The following SCN2A variants were observed in gnomAD, a reference collection of about 807,000 sequenced individuals.
SCN2A encodes the protein sodium channel protein type 2 subunit alpha.
SCN2A carries 20 observed loss-of-function variants against 188.7 expected under a neutral mutation model. The ratio of observed to expected loss-of-function variants is 0.11; its 90% CI spans 0.07 to 0.15. The LOEUF (loss-of-function observed/expected upper bound fraction) is 0.15. Among genes scored for constraint, SCN2A ranks in the 10% least tolerant of loss-of-function variants. The pLI, the probability that SCN2A is intolerant of heterozygous loss-of-function variation, is 1.00. For missense variants in SCN2A, 1,278 were observed against 2,445.0 expected, an observed-to-expected ratio of 0.52 and a Z score of 10.07; for synonymous variants, 804 against 833.1, an observed-to-expected ratio of 0.97 and a Z score of 0.60.
chr2:165,369,722 A>G (rs777040789), intron 19 of SCN2A, among the ~76,000 whole-genome samples: 2 of 152,044 alleles, frequency 1.3e-5, no homozygotes, highest in African/African-American at 2.4e-5. Flanking sequence ...AGCAATGACA[A>G]TCCTTTCCTT....
intron 1 of SCN2A, among the ~76,000 whole-genome samples, chr2:165,254,774 A>G (rs1404873713): frequency 6.6e-6 from 1 of 151,812 alleles, no homozygotes; most frequent in Non-Finnish European, 1.5e-5. Flanking sequence ...AAGAAAAATG[A>G]ATTCATGTCT....
Position 165,297,023 on chromosome 2 carries a change from A to G in SCN2A, c.274A>G (p.Ile92Val). The change falls in exon 3 of 27, where the codon ATA (isoleucine) becomes GTA (valine). Residue 92 changes from isoleucine to valine, a missense_variant. Ile to Val is a conservative substitution (Grantham distance 29). Coordinates refer to ENST00000375437, the MANE Select transcript of SCN2A (RefSeq NM_001040142.2). ...DPYYINKKTFIVLNKGKAISR... is the reference protein window; with the variant it reads ...DPYYINKKTFVVLNKGKAISR... ...GTTGTGTTTTCTTTTTCAGACGTTTATAGTATTGAATAAAGGGAAAGCAAT... is the reference window on the plus strand; with the variant it reads ...GTTGTGTTTTCTTTTTCAGACGTTTGTAGTATTGAATAAAGGGAAAGCAAT... 6.4e-7 allele frequency: 1 copy of G among 1,574,244 alleles called. No individual in the cohort carries two copies. The highest frequency in any genetic ancestry group is 8.7e-7 in the Non-Finnish European group (1 of 1,145,122).
intron 16 of SCN2A, among the ~76,000 whole-genome samples, chr2:165,347,694 A>C (rs1274098605): frequency 6.6e-6 from 1 of 152,220 alleles, no homozygotes; most frequent in African/African-American, 2.4e-5. Context: ...AAAGTGATAT[A>C]ACATGTACTC....
At chr2:165,258,551 A>G (rs1450413465) in intron 1 of SCN2A, among the ~76,000 whole-genome samples, 1 of 152,238 alleles carries the variant, frequency 6.6e-6, no homozygotes, top group Non-Finnish European at 1.5e-5. Context: ...TTAAAGAAGA[A>G]TAACCATTCA....
At chr2:165,326,727 T>C in intron 12 of SCN2A, 125 bp from the exon 13 acceptor site, 1 of 1,095,288 alleles carries the variant, frequency 9.1e-7, no homozygotes, top group South Asian at 1.3e-5. Flanking sequence ...AACAATATCT[T>C]AGTGAGCTTT....
rs754323931 is a variant in SCN2A at position 165,365,149 on chromosome 2, A to T, written c.3406A>T (p.Asn1136Tyr). 6.2e-7 allele frequency: 1 copy of T among 1,613,294 alleles called. No individual in the cohort carries two copies. Among genetic ancestry groups the T allele is most frequent in the Non-Finnish European group, 8.5e-7 (1 of 1,179,452 alleles). Residue 1136 changes from asparagine (N) to tyrosine (Y), a missense_variant, in exon 18 of 27, where the codon AAT becomes TAT. Asn to Tyr is a moderately radical substitution (Grantham distance 143). Coordinates refer to ENST00000375437, the MANE Select transcript of SCN2A (RefSeq NM_001040142.2). ...TTGTGGGATTGATTTTCAGAAGCTA[A>T]ATGCAACTAGTTCATCTGAAGGCAG... ...SDMEESKEKL[N>Y]ATSSSEGSTV...
chr2:165,291,403 CCTTCCTTCCTTCCTCCCTG>C (rs1696122306), intron 1 of SCN2A, among the ~76,000 whole-genome samples: 1 of 126,182 alleles, frequency 7.9e-6, no homozygotes, highest in African/African-American at 2.9e-5. Flanking sequence ...TTCCTTCCTT[CCTTCCTTCCTTCCTCCCTG>C]TCTGTCTTTC....
At chr2:165,351,085 A>G (rs192267282) in intron 16 of SCN2A, among the ~76,000 whole-genome samples, 24 of 152,318 alleles carry the variant, frequency 1.6e-4, no homozygotes, top group Non-Finnish European at 3.1e-4. Flanking sequence ...TATTTTATAG[A>G]TGAGGAAACT....
chr2:165,321,058 C>T (rs529112417), intron 11 of SCN2A, among the ~76,000 whole-genome samples: 2 of 152,260 alleles, frequency 1.3e-5, no homozygotes, highest in African/African-American at 2.4e-5. Context: ...TTAGCAGTAC[C>T]TAAGTCACCA....
chr2:165,296,894 T>C (rs777919144), intron 2 of SCN2A, 123 bp from the exon 3 acceptor site: 8 of 587,784 alleles, frequency 1.4e-5, no homozygotes, highest in Admixed American at 3.0e-5. Flanking sequence ...CATATGATGG[T>C]AATTATTATG....
intron 16 of SCN2A, among the ~76,000 whole-genome samples, chr2:165,349,697 CT>C (rs1699788542): frequency 1.3e-5 from 2 of 152,062 alleles, no homozygotes; most frequent in Non-Finnish European, 2.9e-5. Flanking sequence ...GTTCTCCTTT[CT>C]TTTTGACTAT....
chr2:165,322,972 G>T lies in SCN2A; in HGVS notation c.1672-184G>T, dbSNP rs910255223. Among the ~76,000 whole-genome samples, 3 of 152,148 alleles carry T rather than the reference G, an allele frequency of 2.0e-5. No homozygotes were observed. In the East Asian group the frequency reaches 5.8e-4, roughly 29 times the overall value. On this transcript the variant is annotated intron_variant, in intron 11 of 26. Transcript: ENST00000375437. The stretch of plus-strand genomic sequence containing the variant: ...AAAGCGAGAGTGAAATAGAAAAGGT[G>T]AACCTTGTAGAAAGTGCCAAAATGC...
chr2:165,292,444 T>C (rs1574517293), intron 1 of SCN2A, among the ~76,000 whole-genome samples: 2 of 152,174 alleles, frequency 1.3e-5, no homozygotes, highest in African/African-American at 4.8e-5. Context: ...GCAAGCATAG[T>C]ACCCAATAGG....
chr2:165,351,893 A>G (rs1265250287), intron 16 of SCN2A, among the ~76,000 whole-genome samples: 1 of 150,352 alleles, frequency 6.7e-6, no homozygotes, highest in South Asian at 2.1e-4. Context: ...TTTTTAAAGA[A>G]TCCAATATAA....
chr2:165,365,762 C>T (rs3769952), intron 18 of SCN2A, among the ~76,000 whole-genome samples: 20,973 of 151,884 alleles, frequency 0.14, 1,504 homozygotes, highest in Non-Finnish European at 0.15. Context: ...CAGTCAAGGT[C>T]AAATATTTTT....
chr2:165,253,071 T>G lies in SCN2A; in HGVS notation c.-52+13431T>G, dbSNP rs1237221717. Among the ~76,000 whole-genome samples, 5 of 152,178 alleles carry G rather than the reference T, an allele frequency of 3.3e-5. No individual in the cohort carries two copies. In the East Asian group the frequency reaches 9.6e-4, roughly 29 times the overall value. On this transcript the variant is annotated intron_variant, in intron 1 of 26. Coordinates refer to ENST00000375437, the MANE Select transcript of SCN2A (RefSeq NM_001040142.2). ...CAGGTGAATGGGGGACATTTGTAAG[T>G]TTTGCCTGTGCTATATGGGGAAGGG...
intron 11 of SCN2A, among the ~76,000 whole-genome samples, chr2:165,322,227 A>G (rs72874313): frequency 0.22 from 33,136 of 152,150 alleles, 3,847 homozygotes; most frequent in Non-Finnish European, 0.26. Context: ...AGACAGGGAT[A>G]TCTTTCAATT....
chr2:165,335,538 G>A (rs886180635), intron 14 of SCN2A, among the ~76,000 whole-genome samples: 1 of 151,706 alleles, frequency 6.6e-6, no homozygotes, highest in Non-Finnish European at 1.5e-5. Context: ...GCTTGGACAA[G>A]TGAATATCCA....
Position 165,387,006 on chromosome 2 carries a change from C to T in SCN2A, c.4812C>T (p.Leu1604=). The T allele has an allele frequency of 6.2e-7, 1 of 1,613,588 alleles. No individual in the cohort carries two copies. Among genetic ancestry groups the T allele is most frequent in the Non-Finnish European group, 8.5e-7 (1 of 1,179,712 alleles). Residue 1604 remains leucine (L), a synonymous_variant, in exon 26 of 27, where the codon CTC becomes CTT. Coordinates refer to ENST00000375437, the MANE Select transcript of SCN2A (RefSeq NM_001040142.2). The stretch of plus-strand genomic sequence containing the variant: ...TTTTTGATTTTGTGGTGGTCATTCT[C>T]TCCATTGTAGGTAAGAAGAGGTGCT... ...WNIFDFVVVI[L]SIVGMFLAEL...
Sources: gnomAD v4.1 joint callset for allele counts (sites outside exome capture counted in the v4.1 genomes callset) on GRCh38, gnomAD v4.1.1 for gene constraint, MANE v1.5 for transcripts, NCBI Gene and HGNC (gene_info 2026-07-23, HGNC 2026-07-21) for gene names.